The following ZPBP variants were observed in gnomAD, a reference collection of about 807,000 sequenced individuals.
ZPBP encodes zona pellucida binding protein.
ZPBP carries 26 observed loss-of-function variants against 44.8 expected under a neutral mutation model. The ratio of observed to expected loss-of-function variants is 0.58; its 90% CI spans 0.43 to 0.81. The LOEUF is 0.81. Ranked by LOEUF, ZPBP falls within the 30% of genes least tolerant of loss-of-function variation. The probability of loss-of-function intolerance (pLI) is 0.00; values close to 1 mark genes in which losing one functional copy is unlikely to be tolerated. For missense variants in ZPBP, 409 were observed against 434.0 expected (o/e 0.94, Z 0.51); for synonymous variants, 174 against 153.2 (o/e 1.14, Z -1.00).
intron 6 of ZPBP, among the ~76,000 whole-genome samples, chr7:50,009,753 CA>C (rs1357288673): frequency 6.6e-6 from 1 of 151,630 alleles, no homozygotes; most frequent in Non-Finnish European, 1.5e-5. Context: ...CAAAACAAAA[CA>C]AAATGAAAAA....
At chr7:50,047,302 AAAAG>A (rs1422630938) in intron 4 of ZPBP, among the ~76,000 whole-genome samples, 4 of 152,154 alleles carry the variant, frequency 2.6e-5, no homozygotes, top group African/African-American at 9.7e-5. Context: ...TAATTAAAAA[AAAAG>A]AAATGGTGGG....
chr7:50,074,902 T>C (rs1165494191), intron 3 of ZPBP, among the ~76,000 whole-genome samples: 1 of 151,790 alleles, frequency 6.6e-6, no homozygotes, highest in Non-Finnish European at 1.5e-5. Flanking sequence ...ACTTAATCTA[T>C]ACTACAGACC....
chr7:49,892,017 AACAG>A (rs1383516736), intron 2 of ZPBP, among the ~76,000 whole-genome samples: 3 of 151,274 alleles, frequency 2.0e-5, no homozygotes, highest in East Asian at 1.9e-4. Context: ...CAGTTGGCAG[AACAG>A]ACAAAGTAGA....
intron 1 of ZPBP, among the ~76,000 whole-genome samples, chr7:49,927,536 T>C (rs1222663972): frequency 6.6e-6 from 1 of 152,172 alleles, no homozygotes; most frequent in Non-Finnish European, 1.5e-5. Flanking sequence ...GGGCTTCCAC[T>C]ATGACCTCCT....
chr7:49,996,799 T>C (rs967648437), intron 6 of ZPBP, among the ~76,000 whole-genome samples: 6 of 152,226 alleles, frequency 3.9e-5, no homozygotes, highest in African/African-American at 1.2e-4. Context: ...AGGAACACCA[T>C]CATTAACTAG....
At chr7:49,895,539 G>C (rs905639550) in intron 2 of ZPBP, among the ~76,000 whole-genome samples, 3 of 152,164 alleles carry the variant, frequency 2.0e-5, no homozygotes, top group Non-Finnish European at 4.4e-5. Flanking sequence ...TTTATCAGCT[G>C]TCCATGAGGC....
At chr7:49,949,230 T>G (rs1169734025) in intron 7 of ZPBP, among the ~76,000 whole-genome samples, 2 of 152,102 alleles carry the variant, frequency 1.3e-5, no homozygotes, top group Non-Finnish European at 2.9e-5. Context: ...AGAAAATAAA[T>G]TTCTGTTGTT....
chr7:49,937,421 C>T (rs1794658431), downstream of ZPBP: 3 of 859,364 alleles, frequency 3.5e-6, no homozygotes, highest in Non-Finnish European at 5.7e-6. Flanking sequence ...AATGATGACA[C>T]ATTTTTTTGT....
chr7:49,958,476 G>GA (rs1183331004), intron 7 of ZPBP, among the ~76,000 whole-genome samples: 11 of 152,186 alleles, frequency 7.2e-5, no homozygotes, highest in African/African-American at 2.4e-4. Context: ...TGACCTTCAT[G>GA]AATGGATTAA....
At chr7:50,012,532 C>A (rs1798635158) in intron 6 of ZPBP, among the ~76,000 whole-genome samples, 1 of 151,300 alleles carries the variant, frequency 6.6e-6, no homozygotes, top group Non-Finnish European at 1.5e-5. Flanking sequence ...CTTAATAAAA[C>A]ATTAACAAAT....
intron 2 of ZPBP, among the ~76,000 whole-genome samples, chr7:49,883,976 C>T (rs1791789052): frequency 6.6e-6 from 1 of 152,236 alleles, no homozygotes; most frequent in Admixed American, 6.5e-5. Flanking sequence ...GTGGAGAAAG[C>T]ATTTCTTCCT....
intron 4 of ZPBP, among the ~76,000 whole-genome samples, chr7:50,047,950 G>C (rs1272808561): frequency 6.6e-6 from 1 of 152,046 alleles, no homozygotes; most frequent in Non-Finnish European, 1.5e-5. Context: ...AACAACAAGG[G>C]GACTATTGAT....
At chr7:49,933,804 A>C (rs1488802597), downstream of ZPBP, among the ~76,000 whole-genome samples, 2 of 151,896 alleles carry the variant, frequency 1.3e-5, no homozygotes, top group African/African-American at 4.8e-5. Flanking sequence ...TCGCAAGGAC[A>C]AAAAACCAAA....
At chr7:50,071,199 T>G (rs1584170638) in intron 3 of ZPBP, among the ~76,000 whole-genome samples, 1 of 152,082 alleles carries the variant, frequency 6.6e-6, no homozygotes, top group South Asian at 2.1e-4. Flanking sequence ...CTCTGGATAC[T>G]GGGGGAGGGA....
At chr7:49,990,508 A>G (rs754611434) in intron 6 of ZPBP, among the ~76,000 whole-genome samples, 6 of 152,162 alleles carry the variant, frequency 3.9e-5, no homozygotes, top group Non-Finnish European at 8.8e-5. Flanking sequence ...CTAGATGAGT[A>G]GCCATTCATC....
chr7:49,877,482 ATATATATATAT>A (rs372912539), intron 2 of ZPBP, among the ~76,000 whole-genome samples: 1,087 of 20,342 alleles, frequency 0.053, 270 homozygotes, highest in South Asian at 0.25. Context: ...AAAAAAAAAA[ATATATATATAT>A]ATATATATAT....
chr7:49,919,012 G>A (rs62445817), intron 1 of ZPBP: 28,119 of 150,576 alleles, frequency 0.19, 3,745 homozygotes, highest in East Asian at 0.63. Context: ...CCGAGATCGC[G>A]TCACTGCACT....
chr7:49,994,847 G>A (rs1030671344), intron 6 of ZPBP, among the ~76,000 whole-genome samples: 11 of 152,118 alleles, frequency 7.2e-5, no homozygotes, highest in African/African-American at 2.7e-4. Flanking sequence ...CATTTCTCTT[G>A]TTCTGGGCCC....
chr7:49,980,688 C>CG (rs1373515800), intron 7 of ZPBP, among the ~76,000 whole-genome samples: 2 of 151,946 alleles, frequency 1.3e-5, no homozygotes, highest in Non-Finnish European at 2.9e-5. Context: ...AATTAGAACT[C>CG]GGTCACCCCG....
Sources: allele counts gnomAD v4.1 joint callset (sites outside exome capture counted in the v4.1 genomes callset), GRCh38; gene constraint gnomAD v4.1.1; transcripts MANE v1.5; gene names NCBI Gene and HGNC (gene_info 2026-07-23, HGNC 2026-07-21).